The following PCBP3 variants were observed in gnomAD, a reference collection of about 807,000 sequenced individuals.
PCBP3 encodes the protein poly(rC) binding protein 3.
PCBP3 carries 25 observed loss-of-function variants against 52.7 expected under a neutral mutation model. The ratio of observed to expected loss-of-function variants is 0.47; its 90% CI spans 0.35 to 0.66. The LOEUF is 0.66. PCBP3 is among the 30% of genes least tolerant of loss of function. PCBP3 has a pLI of 0.01. For missense variants in PCBP3, 391 were observed against 490.3 expected, an observed-to-expected ratio of 0.80 and a Z score of 1.91; for synonymous variants, 162 against 183.0, an observed-to-expected ratio of 0.89 and a Z score of 0.93.
intron 5 of PCBP3, chr21:45,869,383 C>G (rs976018409): frequency 2.0e-5 from 3 of 152,366 alleles, no homozygotes; most frequent in Non-Finnish European, 2.9e-5. Flanking sequence ...GGACCCCACC[C>G]AGACCCCTCG....
At chr21:45,801,353 C>T (rs991165264) in intron 4 of PCBP3, among the ~76,000 whole-genome samples, 16 of 152,348 alleles carry the variant, frequency 1.1e-4, no homozygotes, top group African/African-American at 3.8e-4. Context: ...TACAAGACAG[C>T]CAGTGTCTGG....
At chr21:45,934,440 G>A (rs2076663852) in intron 15 of PCBP3, among the ~76,000 whole-genome samples, 1 of 152,202 alleles carries the variant, frequency 6.6e-6, no homozygotes, top group Non-Finnish European at 1.5e-5. Context: ...TTTATCTGAT[G>A]GTACTAAGTG....
At chr21:45,897,778 G>A (rs1014149826) in intron 6 of PCBP3, among the ~76,000 whole-genome samples, 2 of 152,088 alleles carry the variant, frequency 1.3e-5, no homozygotes, top group Non-Finnish European at 2.9e-5. Context: ...GTCCTGGGCT[G>A]CTGTGGGTCC....
chr21:45,890,352 G>C (rs546500530), intron 5 of PCBP3, among the ~76,000 whole-genome samples: 30 of 152,364 alleles, frequency 2.0e-4, no homozygotes, highest in Non-Finnish European at 3.7e-4. Context: ...GTGCACTTAG[G>C]GGGATGTGGA....
At chr21:45,781,340 A>T (rs2146061338) in intron 4 of PCBP3, among the ~76,000 whole-genome samples, 1 of 152,332 alleles carries the variant, frequency 6.6e-6, no homozygotes, top group Middle Eastern at 3.4e-3. Context: ...TAAAGAACAA[A>T]CAAAAATGGC....
chr21:45,787,305 C>T (rs1026283012), intron 4 of PCBP3, among the ~76,000 whole-genome samples: 5 of 152,062 alleles, frequency 3.3e-5, no homozygotes, highest in South Asian at 2.1e-4. Context: ...AGTGCAATGG[C>T]GTGATCATAG....
chr21:45,890,825 A>C (rs1375808103), intron 5 of PCBP3, among the ~76,000 whole-genome samples: 2 of 151,864 alleles, frequency 1.3e-5, no homozygotes, highest in Non-Finnish European at 2.9e-5. Context: ...AGGAATGTAG[A>C]TAATAGAACC....
At chr21:45,671,058 C>G (rs1483890252) in intron 2 of PCBP3, among the ~76,000 whole-genome samples, 1 of 152,216 alleles carries the variant, frequency 6.6e-6, no homozygotes, top group Non-Finnish European at 1.5e-5. Flanking sequence ...ATCTGTATCT[C>G]TTCATACTTT....
At chr21:45,785,481 C>T (rs1432803305) in intron 4 of PCBP3, among the ~76,000 whole-genome samples, 2 of 138,584 alleles carry the variant, frequency 1.4e-5, no homozygotes, top group Non-Finnish European at 3.1e-5. Context: ...GTCAGCCCCC[C>T]GCCTGGCCAG....
intron 4 of PCBP3, among the ~76,000 whole-genome samples, chr21:45,842,663 C>T (rs1294069987): frequency 6.6e-6 from 1 of 152,186 alleles, no homozygotes; most frequent in Non-Finnish European, 1.5e-5. Flanking sequence ...CTGAATCTTA[C>T]ATCAATCTTC....
rs2093395846 is a variant in PCBP3 at position 45,829,594 on chromosome 21, C to G, written c.-125-20367C>G. On this transcript the variant is annotated intron_variant, in intron 4 of 17. Coordinates refer to ENST00000681687, the MANE Select transcript of PCBP3 (RefSeq NM_001384156.1). The surrounding 1 kb of genome is among the most constrained non-coding windows in gnomAD (Gnocchi z 5.2). ...TCGTAAGAAGCCAAGCCACAGGAAG[C>G]TACTTTCCTTGTGCAAATCCTGGGT... is the stretch of plus-strand genomic sequence containing the variant. The G allele has an allele frequency of 6.6e-6, 1 of 152,276 alleles. No individual in the cohort carries two copies. Among genetic ancestry groups the G allele is most frequent in the Non-Finnish European group, 1.5e-5 (1 of 68,078 alleles). The allele number at this position is 152,276 out of a possible 1,614,324, so 9.4% of individuals were successfully genotyped here. A position where few individuals can be genotyped will look rare whatever the true frequency, so the allele number is the denominator to read the frequency against.
At chr21:45,693,791 T>C (rs2082619867) in intron 2 of PCBP3, among the ~76,000 whole-genome samples, 1 of 152,114 alleles carries the variant, frequency 6.6e-6, no homozygotes, top group Non-Finnish European at 1.5e-5. Flanking sequence ...AAGAATACTT[T>C]TAGCAAGTTC....
intron 2 of PCBP3, among the ~76,000 whole-genome samples, chr21:45,698,005 A>C (rs2147916509): frequency 6.6e-6 from 1 of 152,160 alleles, no homozygotes; most frequent in Middle Eastern, 3.4e-3. Context: ...CCTTCCCTAC[A>C]CACTACTTCC....
chr21:45,893,946 T>A, intron 5 of PCBP3: 1 of 985,466 alleles, frequency 1.0e-6, no homozygotes, highest in South Asian at 4.7e-5. Context: ...ATGGCCAGTG[T>A]TAGCTGGGAA....
At chr21:45,907,757 G>C (rs564001402) in intron 9 of PCBP3, among the ~76,000 whole-genome samples, 26 of 151,942 alleles carry the variant, frequency 1.7e-4, no homozygotes, top group Admixed American at 1.7e-3. Flanking sequence ...CCTGGCTCTC[G>C]GGGGATGGGT....
At chr21:45,883,709 T>G (rs2095453980) in intron 5 of PCBP3, among the ~76,000 whole-genome samples, 1 of 152,228 alleles carries the variant, frequency 6.6e-6, no homozygotes, top group Admixed American at 6.5e-5. Context: ...CCTGCTTTCT[T>G]TTGATTAATG....
chr21:45,935,145 A>T, intron 15 of PCBP3, 108 bp from the exon 16 acceptor site: 1 of 743,008 alleles, frequency 1.3e-6, no homozygotes, highest in Non-Finnish European at 2.3e-6. Context: ...CACTTGGGCC[A>T]GCTCTACAGC....
intron 2 of PCBP3, among the ~76,000 whole-genome samples, chr21:45,696,387 G>C (rs977788033): frequency 1.3e-5 from 2 of 152,066 alleles, no homozygotes; most frequent in Admixed American, 6.6e-5. Context: ...CATTAAGTGA[G>C]AGAAATGTGA....
At chr21:45,870,205 T>C (rs1466900356) in intron 5 of PCBP3, among the ~76,000 whole-genome samples, 1 of 152,250 alleles carries the variant, frequency 6.6e-6, no homozygotes, top group Admixed American at 6.5e-5. Flanking sequence ...TTAGTGATTT[T>C]TTTTCTTTTG....
Sources: gnomAD v4.1 joint callset for allele counts (sites outside exome capture counted in the v4.1 genomes callset) on GRCh38, gnomAD v4.1.1 for gene constraint, Gnocchi (gnomAD v3.1) non-coding constraint, MANE v1.5 for transcripts, NCBI Gene and HGNC (gene_info 2026-07-23, HGNC 2026-07-21) for gene names.